Variants in LYPLAL1 observed in about 807,000 individuals in gnomAD.
LYPLAL1 encodes lysophospholipase like 1.
A neutral mutation model predicts 19.7 loss-of-function variants in LYPLAL1; 23 were observed. That is an observed-to-expected ratio of 1.17 (90% CI 0.84 to 1.65). LYPLAL1 has a LOEUF of 1.65. Among genes scored for constraint, LYPLAL1 ranks in the 40% most tolerant of loss-of-function variants. The pLI is 0.00. For synonymous variants in LYPLAL1, 119 were observed against 96.3 expected (o/e 1.24, Z -1.38); for missense variants, 355 against 279.4 (o/e 1.27, Z -1.93).
the LYPLAL1 span, among the ~76,000 whole-genome samples, chr1:219,299,140 C>CTTTTTTT: frequency 7.7e-6 from 1 of 129,494 alleles, no homozygotes. Flanking sequence ...CCTCCCCCAG[C>CTTTTTTT]TTTTTTTTTT....
intron 3 of LYPLAL1, among the ~76,000 whole-genome samples, chr1:219,199,083 T>G (rs1233308624): frequency 1.3e-5 from 2 of 152,204 alleles, no homozygotes; most frequent in Non-Finnish European, 1.5e-5. Flanking sequence ...GTATGCGTAC[T>G]CCAAAGTATG....
chr1:219,430,676 G>C, the LYPLAL1 span, among the ~76,000 whole-genome samples: 1 of 152,172 alleles, frequency 6.6e-6, no homozygotes, highest in East Asian at 1.9e-4. Context: ...CTTAGCAGCT[G>C]TCAGTGTGAA....
At chr1:219,379,481 G>C in the LYPLAL1 span, among the ~76,000 whole-genome samples, 1 of 152,110 alleles carries the variant, frequency 6.6e-6, no homozygotes, top group African/African-American at 2.4e-5. Context: ...AGCTCTAAAG[G>C]GGGCATAGAG....
chr1:219,274,865 A>G, the LYPLAL1 span, among the ~76,000 whole-genome samples: 1 of 152,170 alleles, frequency 6.6e-6, no homozygotes, highest in Non-Finnish European at 1.5e-5. Context: ...CCCTCCTCTT[A>G]TAGGAGGCTT....
At chr1:219,399,160 G>T in the LYPLAL1 span, among the ~76,000 whole-genome samples, 1 of 152,188 alleles carries the variant, frequency 6.6e-6, no homozygotes, top group Admixed American at 6.5e-5. Context: ...ACATGGCTCA[G>T]TGAGCTGGGG....
At chr1:219,191,522 A>G (rs1289050606) in intron 2 of LYPLAL1, among the ~76,000 whole-genome samples, 1 of 151,616 alleles carries the variant, frequency 6.6e-6, no homozygotes, top group East Asian at 1.9e-4. Context: ...AGACTACTTT[A>G]TTTTTGAAAA....
chr1:219,176,014 C>T (rs908081079), intron 1 of LYPLAL1, among the ~76,000 whole-genome samples: 18 of 152,026 alleles, frequency 1.2e-4, no homozygotes, highest in African/African-American at 4.4e-4. Flanking sequence ...TCTTACTCTT[C>T]GAGGCTGAAA....
At chr1:219,272,939 C>A in the LYPLAL1 span, 3 of 151,872 alleles carry the variant, frequency 2.0e-5, no homozygotes, top group East Asian at 5.8e-4. Flanking sequence ...GTGAACCATA[C>A]TCAAGGGAGA....
the LYPLAL1 span, among the ~76,000 whole-genome samples, chr1:219,431,097 T>A: frequency 6.6e-6 from 1 of 152,208 alleles, no homozygotes; most frequent in African/African-American, 2.4e-5. Flanking sequence ...CCTAACAAAA[T>A]ACTTTTCGCA....
At chr1:219,327,037 G>A in the LYPLAL1 span, among the ~76,000 whole-genome samples, 1 of 152,022 alleles carries the variant, frequency 6.6e-6, no homozygotes, top group Admixed American at 6.6e-5. Context: ...AGGCGGAGAT[G>A]GCAGTGAGCC....
At chr1:219,311,730 A>G in the LYPLAL1 span, among the ~76,000 whole-genome samples, 1 of 152,156 alleles carries the variant, frequency 6.6e-6, no homozygotes, top group African/African-American at 2.4e-5. Flanking sequence ...TCAGATATTA[A>G]TGGTGAGAAT....
chr1:219,340,680 C>A, the LYPLAL1 span, among the ~76,000 whole-genome samples: 1 of 151,988 alleles, frequency 6.6e-6, no homozygotes, highest in Admixed American at 6.6e-5. Context: ...GAAGTTGAAT[C>A]GATGGTCATT....
At chr1:219,378,954 G>A in the LYPLAL1 span, among the ~76,000 whole-genome samples, 6 of 152,260 alleles carry the variant, frequency 3.9e-5, no homozygotes, top group East Asian at 1.2e-3. Flanking sequence ...ACCATTAAAT[G>A]CTGATCTGTT....
chr1:219,333,661 A>T, the LYPLAL1 span, among the ~76,000 whole-genome samples: 1 of 152,218 alleles, frequency 6.6e-6, no homozygotes, highest in South Asian at 2.1e-4. Context: ...AAGAATTTTT[A>T]AAATTACAGA....
chr1:219,327,185 G>A, the LYPLAL1 span, among the ~76,000 whole-genome samples: 1 of 152,164 alleles, frequency 6.6e-6, no homozygotes, highest in Non-Finnish European at 1.5e-5. Flanking sequence ...CTCTCCATTA[G>A]CCAGCCTTGA....
intron 3 of LYPLAL1, among the ~76,000 whole-genome samples, chr1:219,195,872 G>A (rs947207234): frequency 1.3e-5 from 2 of 152,022 alleles, no homozygotes; most frequent in Non-Finnish European, 2.9e-5. Flanking sequence ...GCCCCAGTGT[G>A]TGTTATTTGC....
chr1:219,313,005 G>C, the LYPLAL1 span, among the ~76,000 whole-genome samples: 3 of 152,274 alleles, frequency 2.0e-5, no homozygotes, highest in East Asian at 5.8e-4. Context: ...TTTCTGTTTA[G>C]TATTATAGGT....
At chr1:219,440,095 C>T in the LYPLAL1 span, among the ~76,000 whole-genome samples, 3 of 149,652 alleles carry the variant, frequency 2.0e-5, no homozygotes, top group African/African-American at 7.3e-5. Flanking sequence ...CACACACACA[C>T]TCTCACTCTC....
At chr1:219,182,871 G>A (rs1656408935) in intron 2 of LYPLAL1, among the ~76,000 whole-genome samples, 1 of 151,926 alleles carries the variant, frequency 6.6e-6, no homozygotes, top group South Asian at 2.1e-4. Flanking sequence ...GGCCAGTTTT[G>A]TCCTAGAATG....
Sources: gnomAD v4.1 joint callset for allele counts (sites outside exome capture counted in the v4.1 genomes callset) on GRCh38, gnomAD v4.1.1 for gene constraint, MANE v1.5 for transcripts, NCBI Gene and HGNC (gene_info 2026-07-23, HGNC 2026-07-21) for gene names.